SCARB2: variants seen among roughly 807,000 people sequenced by gnomAD.
SCARB2 encodes scavenger receptor class B member 2, also known as lysosome membrane protein 2.
In SCARB2, 29 loss-of-function variants were observed where a neutral mutation model predicts 58.6. The ratio of observed to expected loss-of-function variants is 0.49; its 90% CI spans 0.37 to 0.67. SCARB2 has a LOEUF of 0.67. Ranked by LOEUF, SCARB2 falls within the 30% of genes least tolerant of loss-of-function variation. SCARB2 has a pLI of 0.00. For missense variants in SCARB2, 488 were observed against 578.5 expected (o/e 0.84, Z 1.60); for synonymous variants, 195 against 210.1 (o/e 0.93, Z 0.62).
At chr4:76,214,331 T>G, upstream of SCARB2, 1 of 454,850 alleles carries the variant, frequency 2.2e-6, no homozygotes, top group African/African-American at 2.0e-5. Flanking sequence ...AACTGGGGCC[T>G]GGGGGATGCA....
At position 76,169,943 on chromosome 4, in the gene SCARB2, T is replaced by C. The variant is rs2109937811; in HGVS notation, c.1037A>G (p.Asp346Gly). Residue 346 changes from aspartate (D) to glycine (G), a missense_variant, in exon 8 of 12, where the codon GAT becomes GGT. Coordinates refer to ENST00000264896, the MANE Select transcript of SCARB2 (RefSeq NM_005506.4). ...IMSFPHFYQA[D>G]ERFVSAIEGM... ...TTCTATGGCAGAAACAAACCTCTCA[T>C]CTGCTTGGTAAAAGTGTGGGAAAGA... 1 of 1,614,092 alleles carries C rather than the reference T, an allele frequency of 6.2e-7. No homozygotes were observed. Among genetic ancestry groups the C allele is most frequent in the Middle Eastern group, 1.6e-4 (1 of 6,062 alleles).
chr4:76,217,552 A>G (rs1287027537), upstream of SCARB2: 3 of 478,304 alleles, frequency 6.3e-6, no homozygotes, highest in East Asian at 6.4e-5. Flanking sequence ...TGCCTCACAC[A>G]GGTGTGCTCC....
chr4:76,213,406 A>C (rs1733106512), intron 1 of SCARB2, 21 bp downstream of exon 1: 1 of 1,552,104 alleles, frequency 6.4e-7, no homozygotes, highest in Admixed American at 1.7e-5. Context: ...CACAACACAC[A>C]CACAGCCCGC....
chr4:76,165,533 G>A (rs1731989113), intron 10 of SCARB2: 1 of 152,056 alleles, frequency 6.6e-6, no homozygotes, highest in Admixed American at 6.5e-5. Flanking sequence ...TAAAACATTA[G>A]ATTACCTTTT....
intron 1 of SCARB2, among the ~76,000 whole-genome samples, chr4:76,198,055 G>C (rs542123334): frequency 7.5e-4 from 114 of 152,252 alleles, no homozygotes; most frequent in African/African-American, 2.7e-3. Context: ...CTCAGCTGCG[G>C]TCTGCTCTGC....
chr4:76,172,727 A>T (rs1361108479), intron 7 of SCARB2: 2 of 150,964 alleles, frequency 1.3e-5, no homozygotes, highest in African/African-American at 4.9e-5. Flanking sequence ...TATGTTGCCC[A>T]GGCTAGAATC....
intron 5 of SCARB2, 100 bp from the exon 6 acceptor site, chr4:76,176,010 T>C (rs775258794): frequency 4.4e-5 from 60 of 1,371,320 alleles, no homozygotes; most frequent in Non-Finnish European, 5.7e-5. Flanking sequence ...GAGCTGTCTA[T>C]CCACAGTATC....
rs745656715 is a variant in SCARB2, at chr4:76,163,210, T to TC, written c.1398+14dup. The TC allele has an allele frequency of 1.6e-5, 26 of 1,614,180 alleles. No homozygotes were observed. In the East Asian group the frequency reaches 5.6e-4, roughly 35 times the overall value. On this transcript the variant is annotated intron_variant, in intron 11 of 11. Coordinates refer to ENST00000264896, the MANE Select transcript of SCARB2 (RefSeq NM_005506.4). Reference sequence around the variant, plus strand: ...GTTATCCAGTAAGGAAGAAGTTCCTTCAGCCAGTTCTCACCTCATCCATGG... The same window carrying TC: ...GTTATCCAGTAAGGAAGAAGTTCCTTCCAGCCAGTTCTCACCTCATCCATGG...
chr4:76,222,394 T>G (rs1198523897), intron 1 of SCARB2, among the ~76,000 whole-genome samples: 1 of 152,150 alleles, frequency 6.6e-6, no homozygotes, highest in Non-Finnish European at 1.5e-5. Flanking sequence ...GCCCAGCTAA[T>G]TTTTGTATTT....
At chr4:76,203,978 T>C (rs1732879673) in intron 1 of SCARB2, among the ~76,000 whole-genome samples, 1 of 152,230 alleles carries the variant, frequency 6.6e-6, no homozygotes, top group Non-Finnish European at 1.5e-5. Flanking sequence ...AGTAAAGTGC[T>C]ACTTCATAAT....
chr4:76,221,508 C>T (rs1289429204), intron 1 of SCARB2, among the ~76,000 whole-genome samples: 9 of 152,030 alleles, frequency 5.9e-5, no homozygotes, highest in Admixed American at 2.6e-4. Context: ...TTAGCAGAGA[C>T]GGGATTTCAT....
At chr4:76,219,409 G>C (rs1237605329) in intron 1 of SCARB2, among the ~76,000 whole-genome samples, 1 of 152,216 alleles carries the variant, frequency 6.6e-6, no homozygotes, top group Non-Finnish European at 1.5e-5. Context: ...GTACTTTCTA[G>C]AAGCAAATGA....
At chr4:76,175,702 A>G (rs1393694326) in intron 6 of SCARB2, 89 bp downstream of exon 6, 2 of 1,458,366 alleles carry the variant, frequency 1.4e-6, no homozygotes, top group African/African-American at 2.8e-5. Context: ...ATGCATAATA[A>G]GTGTGTCTGC....
In SCARB2 at chr4:76,158,754, TTTTA is replaced by T. The variant is rs1462775089; in HGVS notation, c.*2955_*2958del. ...TAGAGCAATTTTATATAAAGTGGTT[TTTTA>T]TTAATGAAACATTTCATTGCATTAA... is the stretch of plus-strand genomic sequence containing the variant. On this transcript the variant is annotated 3_prime_UTR_variant, in exon 12 of 12. Transcript: ENST00000264896. 1 of 152,224 alleles carries T rather than the reference TTTTA, an allele frequency of 6.6e-6. No homozygotes were observed. The highest frequency in any genetic ancestry group is 2.4e-5 in the African/African-American group (1 of 41,444). 9.4% of individuals were successfully genotyped at this position (152,224 alleles called of 1,614,324 possible). A position where few individuals can be genotyped will look rare whatever the true frequency, so the allele number is the denominator to read the frequency against.
At chr4:76,174,060 T>C in intron 7 of SCARB2, 84 bp downstream of exon 7, 1 of 1,534,236 alleles carries the variant, frequency 6.5e-7, no homozygotes, top group East Asian at 2.3e-5. Flanking sequence ...TGTGCGCCAC[T>C]ACGCCCAGCT....
intron 6 of SCARB2, 31 bp downstream of exon 6, chr4:76,175,760 T>C (rs916624578): frequency 1.2e-6 from 2 of 1,613,292 alleles, no homozygotes; most frequent in Non-Finnish European, 1.7e-6. Flanking sequence ...GACCTTATTT[T>C]TGAAAAAGAA....
chr4:76,194,413 C>A (rs777998438), intron 2 of SCARB2: 1 of 152,146 alleles, frequency 6.6e-6, no homozygotes. Flanking sequence ...GGAGGAGGTC[C>A]TATTTTTATC....
chr4:76,183,000 G>A (rs1015124831), intron 2 of SCARB2, among the ~76,000 whole-genome samples: 5 of 152,198 alleles, frequency 3.3e-5, no homozygotes, highest in African/African-American at 9.7e-5. Context: ...GTCAAGGACT[G>A]TCTGTATATT....
chr4:76,178,318 C>T (rs183202986), intron 4 of SCARB2, among the ~76,000 whole-genome samples: 2 of 152,272 alleles, frequency 1.3e-5, no homozygotes, highest in East Asian at 1.9e-4. Context: ...ATATTCCTGG[C>T]TCTGTTCTAA....
Sources: allele counts gnomAD v4.1 joint callset (sites outside exome capture counted in the v4.1 genomes callset), GRCh38; gene constraint gnomAD v4.1.1; transcripts MANE v1.5; gene names NCBI Gene and HGNC (gene_info 2026-07-23, HGNC 2026-07-21).